Variants in ATP11B observed in about 807,000 individuals in gnomAD.
ATP11B encodes phospholipid-transporting ATPase IF.
Under a neutral mutation model 157.8 loss-of-function variants are expected in ATP11B, and 81 were observed. That is an observed-to-expected ratio of 0.51 (90% CI 0.43 to 0.62). The LOEUF (loss-of-function observed/expected upper bound fraction) is 0.62. Ranked by LOEUF, ATP11B falls within the 20% of genes least tolerant of loss-of-function variation. The pLI, the probability that ATP11B is intolerant of heterozygous loss-of-function variation, is 0.00. For missense variants in ATP11B, 1,165 were observed against 1,402.2 expected, an observed-to-expected ratio of 0.83 and a Z score of 2.70; for synonymous variants, 451 against 469.4, an observed-to-expected ratio of 0.96 and a Z score of 0.51.
intron 1 of ATP11B, among the ~76,000 whole-genome samples, chr3:182,804,819 ACTTT>A (rs1221921880): frequency 6.6e-6 from 1 of 152,052 alleles, no homozygotes; most frequent in Non-Finnish European, 1.5e-5. Flanking sequence ...TAAATCAACC[ACTTT>A]CTGTTTCTAG....
intron 19 of ATP11B, among the ~76,000 whole-genome samples, chr3:182,875,185 A>G (rs1471707208): frequency 2.0e-5 from 3 of 152,224 alleles, no homozygotes; most frequent in Admixed American, 2.0e-4. Context: ...TTTGACCATC[A>G]GAGCTGCTTG....
At chr3:182,845,437 G>T (rs756592871) in intron 8 of ATP11B, 21 bp from the exon 9 acceptor site, 1 of 1,584,438 alleles carries the variant, frequency 6.3e-7, no homozygotes, top group South Asian at 1.2e-5. Flanking sequence ...GTGCTTTATG[G>T]TTATTTTCTT....
chr3:182,841,977 CAAAA>C (rs11401208), intron 7 of ATP11B, 94 bp from the exon 8 acceptor site: 247 of 361,900 alleles, frequency 6.8e-4, no homozygotes, highest in East Asian at 1.4e-3. Flanking sequence ...AGACTCGTCT[CAAAA>C]AAAAAAAAAA....
At chr3:182,901,538 C>T (rs534674846) in intron 28 of ATP11B, among the ~76,000 whole-genome samples, 1 of 152,242 alleles carries the variant, frequency 6.6e-6, no homozygotes, top group South Asian at 2.1e-4. Context: ...ATCATGTCTG[C>T]ACTCAAAAAG....
rs145163226 is a variant in ATP11B at position 182,878,393 on chromosome 3, A to G, written c.2253-1103A>G. ...AACCTTCGGTATTTTCTTGTGGTGT[A>G]TATAGCACAGTGCTACACTGAGTAC... On this transcript the variant is annotated intron_variant, in intron 19 of 29. Transcript: ENST00000323116. Among the ~76,000 whole-genome samples the G allele has an allele frequency of 3.3e-3, 501 of 152,356 alleles. 6 individuals carry two copies. The highest frequency in any genetic ancestry group is 0.012 in the African/African-American group (485 of 41,584).
chr3:182,859,708 A>T (rs576503203), intron 12 of ATP11B, among the ~76,000 whole-genome samples: 1 of 152,272 alleles, frequency 6.6e-6, no homozygotes, highest in African/African-American at 2.4e-5. Context: ...ATTTTTATTA[A>T]CATTATTATG....
intron 4 of ATP11B, among the ~76,000 whole-genome samples, chr3:182,834,650 A>G (rs995028313): frequency 6.6e-6 from 1 of 152,212 alleles, no homozygotes; most frequent in Non-Finnish European, 1.5e-5. Context: ...TGGCATAGGA[A>G]GTCTTTTCCA....
At position 182,921,503 on chromosome 3, in the gene ATP11B, GCTGT is replaced by G. The variant is rs1450103894; in HGVS notation, c.*3402_*3405del. 10 of 152,230 alleles carry G rather than the reference GCTGT, an allele frequency of 6.6e-5. No individual in the cohort carries two copies. The highest frequency in any genetic ancestry group is 3.3e-4 in the Admixed American group (5 of 15,288). 9.4% of individuals were successfully genotyped at this position (152,230 alleles called of 1,614,324 possible). A position where few individuals can be genotyped will look rare whatever the true frequency, so the allele number is the denominator to read the frequency against. ...AAAATTTTGGACCTGAGACACTGTG[GCTGT>G]CTAATGTAATCCTTTAAAAATTCTC... On this transcript the variant is annotated 3_prime_UTR_variant, in exon 30 of 30. Transcript: ENST00000323116.
intron 12 of ATP11B, among the ~76,000 whole-genome samples, chr3:182,862,004 G>C (rs1720878135): frequency 6.6e-6 from 1 of 151,602 alleles, no homozygotes; most frequent in South Asian, 2.1e-4. Context: ...CCAGCACTTT[G>C]GGAGGCCAAG....
At chr3:182,795,204 G>T (rs1715530793) in intron 1 of ATP11B, among the ~76,000 whole-genome samples, 1 of 152,116 alleles carries the variant, frequency 6.6e-6, no homozygotes, top group South Asian at 2.1e-4. Flanking sequence ...CTTTGTTGCA[G>T]TAAGCTGTAG....
chr3:182,915,975 A>C, intron 29 of ATP11B: 8 of 984,440 alleles, frequency 8.1e-6, no homozygotes, highest in Non-Finnish European at 8.4e-6. Flanking sequence ...ATTGGTTACT[A>C]TTATTTTCTT....
intron 28 of ATP11B, among the ~76,000 whole-genome samples, chr3:182,911,621 C>A (rs1724802522): frequency 6.6e-6 from 1 of 152,110 alleles, no homozygotes; most frequent in Non-Finnish European, 1.5e-5. Flanking sequence ...GTCACTGGGG[C>A]ATACGTGGTG....
intron 8 of ATP11B, chr3:182,844,539 T>C: frequency 1.0e-6 from 1 of 983,388 alleles, no homozygotes; most frequent in Non-Finnish European, 1.2e-6. Context: ...TTATATCTCC[T>C]TTATGGAGAG....
chr3:182,825,043 C>A (rs1007655943), intron 2 of ATP11B, among the ~76,000 whole-genome samples: 3 of 152,186 alleles, frequency 2.0e-5, no homozygotes, highest in African/African-American at 7.2e-5. Context: ...TCATTACTTT[C>A]ATTTTACTAC....
chr3:182,879,800 A>G (rs1722294485), intron 20 of ATP11B, 151 bp downstream of exon 20: 1 of 665,222 alleles, frequency 1.5e-6, no homozygotes. Flanking sequence ...AATTTTAATC[A>G]TGTACATCAG....
chr3:182,866,704 T>C (rs1330411039), intron 14 of ATP11B, among the ~76,000 whole-genome samples: 1 of 151,086 alleles, frequency 6.6e-6, no homozygotes, highest in Non-Finnish European at 1.5e-5. Flanking sequence ...TAGAATTTAT[T>C]AAAAATGCTT....
intron 2 of ATP11B, among the ~76,000 whole-genome samples, chr3:182,823,986 G>A (rs1420600304): frequency 6.6e-6 from 1 of 151,956 alleles, no homozygotes; most frequent in Non-Finnish European, 1.5e-5. Flanking sequence ...TTTTGCAGCA[G>A]GTCCCCCTCC....
At chr3:182,836,893 G>A (rs756936262) in intron 6 of ATP11B, among the ~76,000 whole-genome samples, 178 bp from the exon 7 acceptor site, 2 of 152,122 alleles carry the variant, frequency 1.3e-5, no homozygotes, top group Admixed American at 1.3e-4. Context: ...GACAGGTAAT[G>A]ATAGTAGCTT....
chr3:182,913,192 A>G (rs1172306585), intron 28 of ATP11B, among the ~76,000 whole-genome samples: 1 of 152,350 alleles, frequency 6.6e-6, no homozygotes, highest in Non-Finnish European at 1.5e-5. Flanking sequence ...TAACTGTTAC[A>G]AAGCAGGATG....
Sources: gnomAD v4.1 joint callset for allele counts (sites outside exome capture counted in the v4.1 genomes callset) on GRCh38, gnomAD v4.1.1 for gene constraint, MANE v1.5 for transcripts, NCBI Gene and HGNC (gene_info 2026-07-23, HGNC 2026-07-21) for gene names.